ZC4H2: variants seen among roughly 807,000 people sequenced by gnomAD.
ZC4H2 encodes zinc finger C4H2-type containing.
For missense variants in ZC4H2, 137 were observed against 173.9 expected, an observed-to-expected ratio of 0.79 and a Z score of 1.19; for synonymous variants, 84 against 66.3, an observed-to-expected ratio of 1.27 and a Z score of -1.30.
intron 4 of ZC4H2, chrX:64,918,479 C>T (rs1408105723): frequency 8.8e-6 from 1 of 113,691 alleles, no homozygotes; most frequent in Non-Finnish European, 1.8e-5. Context: ...CTTTGTTTGA[C>T]TATTTACCAA....
chrX:64,937,523 C>T (rs192450946), intron 1 of ZC4H2, among the ~76,000 whole-genome samples: 1 of 111,637 alleles, frequency 9.0e-6, no homozygotes, highest in East Asian at 2.8e-4. Context: ...CTAAAATTTA[C>T]CACATAATTA....
At chrX:64,938,419 T>A (rs745868909) in intron 1 of ZC4H2, among the ~76,000 whole-genome samples, 5 of 111,663 alleles carry the variant, frequency 4.5e-5, no homozygotes, top group Non-Finnish European at 9.4e-5. Flanking sequence ...GAGGGAATAC[T>A]CTCTAACTTG....
chrX:65,020,847 G>A (rs1318524004), intron 1 of ZC4H2, among the ~76,000 whole-genome samples: 1 of 111,654 alleles, frequency 9.0e-6, no homozygotes, highest in Non-Finnish European at 1.9e-5. Context: ...TATTTACCAA[G>A]CAAATGGAAA....
At chrX:64,927,240 C>T (rs1429256136) in intron 1 of ZC4H2, among the ~76,000 whole-genome samples, 1 of 110,673 alleles carries the variant, frequency 9.0e-6, no homozygotes, top group African/African-American at 3.3e-5. Flanking sequence ...CCGATCAACC[C>T]GTTATCTACA....
intron 1 of ZC4H2, among the ~76,000 whole-genome samples, chrX:65,010,214 T>C (rs1932735955): frequency 8.9e-6 from 1 of 112,355 alleles, no homozygotes; most frequent in Non-Finnish European, 1.9e-5. Flanking sequence ...GTCTCCACAA[T>C]GGAATTGTCT....
intron 1 of ZC4H2, among the ~76,000 whole-genome samples, chrX:64,941,609 T>C (rs1006353591): frequency 8.9e-6 from 1 of 112,422 alleles, no homozygotes; most frequent in Admixed American, 9.5e-5. Flanking sequence ...TGAAGAGGTG[T>C]TGAATTTTAT....
In ZC4H2 at chrX:64,920,109, A is replaced by C; in HGVS notation, c.370T>G (p.Cys124Gly). 3 of 1,210,966 alleles carry C rather than the reference A, an allele frequency of 2.5e-6. No homozygotes were observed. Among genetic ancestry groups the C allele is most frequent in the Non-Finnish European group, 3.4e-6 (3 of 895,232 alleles). ...TLGLQRLPDL[C>G]EEEEKLSLDY... ...AAGGAAAGCTTCTCCTCTTCTTCAC[A>C]CAAGTCAGGGAGCCTCTGCAGGCCC... Residue 124 changes from cysteine to glycine, a missense_variant, in exon 3 of 5, where the codon TGT becomes GGT. Transcript: ENST00000374839.
At chrX:64,976,085 A>G (rs1304536648) in intron 1 of ZC4H2, among the ~76,000 whole-genome samples, 1 of 111,018 alleles carries the variant, frequency 9.0e-6, no homozygotes, top group Non-Finnish European at 1.9e-5. Context: ...AGAAGAATAA[A>G]ACTGTCTTGG....
chrX:65,020,532 G>A (rs1183335305), intron 1 of ZC4H2, among the ~76,000 whole-genome samples: 1 of 111,897 alleles, frequency 8.9e-6, no homozygotes, highest in African/African-American at 3.3e-5. Context: ...GGCTCCTGAA[G>A]AAAGCAATAA....
At chrX:64,926,402 T>G (rs757433530) in intron 1 of ZC4H2, among the ~76,000 whole-genome samples, 12 of 111,595 alleles carry the variant, frequency 1.1e-4, no homozygotes, top group Admixed American at 1.9e-4. Context: ...TAACCATAAG[T>G]TTTCATCCAA....
At chrX:64,984,478 G>A (rs1932141369) in intron 1 of ZC4H2, among the ~76,000 whole-genome samples, 1 of 111,415 alleles carries the variant, frequency 9.0e-6, no homozygotes, top group Admixed American at 9.5e-5. Flanking sequence ...AATTCATAGG[G>A]AGTCAAAGCT....
Position 65,012,077 on chromosome X carries a change from GC to G in ZC4H2, c.-272+22551del, listed in dbSNP as rs760710601. Among the ~76,000 whole-genome samples, 5 of 107,179 alleles carry G rather than the reference GC, an allele frequency of 4.7e-5. 1 individual carries two copies. The East Asian group carries it at 9.0e-4, about 19-fold the overall frequency. 93.1% of individuals were successfully genotyped at this position (107,179 alleles called of 115,157 possible). ...TCTAGGTAGCTCTACAGCTATGAAA[GC>G]CATAAAGAAACCTAGTACATTAGCC... On this transcript the variant is annotated intron_variant, in intron 1 of 4. Transcript: ENST00000337990.
chrX:64,931,198 T>C (rs1283667313), intron 1 of ZC4H2, among the ~76,000 whole-genome samples: 2 of 111,976 alleles, frequency 1.8e-5, no homozygotes, highest in South Asian at 3.7e-4. Flanking sequence ...ATGGTATCAG[T>C]TGTAATATCT....
At chrX:64,943,376 G>T (rs190656530) in intron 1 of ZC4H2, among the ~76,000 whole-genome samples, 1 of 111,878 alleles carries the variant, frequency 8.9e-6, no homozygotes, top group Non-Finnish European at 1.9e-5. Flanking sequence ...TTCAAGTCCT[G>T]AATATCCTTG....
chrX:64,976,298 C>T lies in ZC4H2; in HGVS notation c.53+27G>A, dbSNP rs1333460597. ...CCCGCAACGAAGGGTTGGAGAGGGG[C>T]GGGGAGGGGGACAACGTGCCACTTA... On this transcript the variant is annotated intron_variant, in intron 1 of 4. Coordinates refer to ENST00000374839, the MANE Select transcript of ZC4H2 (RefSeq NM_018684.4). 5 of 1,204,599 alleles carry T rather than the reference C, an allele frequency of 4.2e-6. No individual in the cohort carries two copies. In the Admixed American group the frequency reaches 1.1e-4, roughly 26 times the overall value.
chrX:64,978,983 T>C (rs377634572), upstream of ZC4H2, among the ~76,000 whole-genome samples: 2 of 111,783 alleles, frequency 1.8e-5, no homozygotes, highest in Non-Finnish European at 3.8e-5. Flanking sequence ...ACACATCTGG[T>C]AAAAGTCTGG....
intron 1 of ZC4H2, among the ~76,000 whole-genome samples, chrX:64,940,717 G>A (rs1433677226): frequency 1.8e-5 from 2 of 110,846 alleles, no homozygotes; most frequent in African/African-American, 6.6e-5. Context: ...TAGATGTGTG[G>A]TGTTATTTCT....
rs908149645 is a variant in ZC4H2 at position 64,923,373 on chromosome X, C to G, written c.54-1385G>C. Among the ~76,000 whole-genome samples the G allele has an allele frequency of 3.6e-5, 4 of 111,011 alleles. No individual in the cohort carries two copies. In the Admixed American group the frequency reaches 3.9e-4, roughly 11 times the overall value. ...TGTTGTCTTCCCACTGGCTCCCTAC[C>G]ATGCTTCTCAGGATCTGCCTAGCCA... On this transcript the variant is annotated intron_variant, in intron 1 of 4. Transcript: ENST00000374839.
chrX:64,943,078 AGTG>A (rs1930367358), intron 1 of ZC4H2, among the ~76,000 whole-genome samples: 1 of 111,820 alleles, frequency 8.9e-6, no homozygotes, highest in Admixed American at 9.4e-5. Flanking sequence ...TCTAATGACC[AGTG>A]ATGATGAGCT....
Sources: allele counts gnomAD v4.1 joint callset (sites outside exome capture counted in the v4.1 genomes callset), GRCh38; gene constraint gnomAD v4.1.1; transcripts MANE v1.5; gene names NCBI Gene and HGNC (gene_info 2026-07-23, HGNC 2026-07-21).